The following FAF1 variants were observed in gnomAD, a reference collection of about 807,000 sequenced individuals.
FAF1 encodes FAS-associated factor 1.
A neutral mutation model predicts 92.5 loss-of-function variants in FAF1; 25 were observed. That is an observed-to-expected ratio of 0.27 (90% CI 0.20 to 0.38). FAF1 has a LOEUF of 0.38. Ranked by LOEUF, FAF1 falls within the 10% of genes least tolerant of loss-of-function variation. The probability of loss-of-function intolerance (pLI) is 1.00; values close to 1 mark genes in which losing one functional copy is unlikely to be tolerated. For synonymous variants in FAF1, 234 were observed against 273.2 expected (o/e 0.86, Z 1.42); for missense variants, 636 against 793.3 (o/e 0.80, Z 2.38).
chr1:50,846,493 A>C, intron 2 of FAF1: 1 of 490,036 alleles, frequency 2.0e-6, no homozygotes, highest in South Asian at 1.5e-5. Context: ...GCTGGCTTTA[A>C]TCCTGAAAGC....
chr1:50,509,300 A>G (rs1464279479), intron 15 of FAF1, among the ~76,000 whole-genome samples: 1 of 152,222 alleles, frequency 6.6e-6, no homozygotes. Context: ...GCTTAAAAAA[A>G]TGTTAAAATT....
chr1:50,631,149 G>A (rs759336027), intron 8 of FAF1, among the ~76,000 whole-genome samples: 8 of 151,944 alleles, frequency 5.3e-5, no homozygotes, highest in South Asian at 2.1e-4. Flanking sequence ...CTGTCTAAAC[G>A]CATTTTTTTC....
At chr1:50,766,508 T>C (rs571661582) in intron 4 of FAF1, among the ~76,000 whole-genome samples, 3 of 151,926 alleles carry the variant, frequency 2.0e-5, no homozygotes, top group African/African-American at 7.2e-5. Flanking sequence ...AGGATGAACA[T>C]CTGCTGCCAC....
At chr1:50,680,364 T>C (rs531461759) in intron 7 of FAF1, among the ~76,000 whole-genome samples, 1 of 152,232 alleles carries the variant, frequency 6.6e-6, no homozygotes, top group African/African-American at 2.4e-5. Flanking sequence ...AAATATAATA[T>C]TCTCCCATAT....
chr1:50,957,526 T>A (rs1018799726), intron 1 of FAF1, among the ~76,000 whole-genome samples: 1 of 151,998 alleles, frequency 6.6e-6, no homozygotes, highest in African/African-American at 2.4e-5. Flanking sequence ...TAATTTTTTG[T>A]ATTTTTTTAG....
chr1:50,474,361 C>A (rs1382746621), intron 18 of FAF1, among the ~76,000 whole-genome samples: 2 of 152,118 alleles, frequency 1.3e-5, no homozygotes, highest in Non-Finnish European at 2.9e-5. Context: ...TTTCTTCAGG[C>A]TTCGTTTTTC....
At chr1:50,764,627 A>T (rs139603682) in intron 4 of FAF1, among the ~76,000 whole-genome samples, 20 of 152,300 alleles carry the variant, frequency 1.3e-4, no homozygotes, top group Non-Finnish European at 2.4e-4. Flanking sequence ...ATTTCTCATG[A>T]ATCATAGGCC....
chr1:50,729,056 A>ATTTTTTTT (rs1481654972), intron 6 of FAF1, among the ~76,000 whole-genome samples: 6 of 105,812 alleles, frequency 5.7e-5, no homozygotes, highest in African/African-American at 2.7e-4. Context: ...ATATATATAT[A>ATTTTTTTT]TATTTTTTTT....
rs368062963 is a variant in FAF1 at position 50,694,444 on chromosome 1, G to T, written c.657+11342C>A. Among the ~76,000 whole-genome samples the T allele has an allele frequency of 3.1e-4, 47 of 151,166 alleles. No individual in the cohort carries two copies. The East Asian group carries it at 7.8e-3, about 25-fold the overall frequency. On this transcript the variant is annotated intron_variant, in intron 7 of 18. Coordinates refer to ENST00000396153, the MANE Select transcript of FAF1 (RefSeq NM_007051.3). ...ATTGAGTTTTCATTAAAAAAATCAGGAATCTTACTAATTATCTCACTTATA... is the reference window on the plus strand; with the variant it reads ...ATTGAGTTTTCATTAAAAAAATCAGTAATCTTACTAATTATCTCACTTATA...
At chr1:50,922,793 CAGGCAACAGTGCGAGA>C (rs1324950291) in intron 1 of FAF1, among the ~76,000 whole-genome samples, 1 of 126,646 alleles carries the variant, frequency 7.9e-6, no homozygotes, top group Non-Finnish European at 1.6e-5. Flanking sequence ...CACTCCAGCC[CAGGCAACAGTGCGAGA>C]ATCCACCACA....
At chr1:50,688,188 C>T (rs1656759447) in intron 7 of FAF1, among the ~76,000 whole-genome samples, 1 of 151,270 alleles carries the variant, frequency 6.6e-6, no homozygotes, top group African/African-American at 2.4e-5. Context: ...TAAAACAAAA[C>T]AGAAAATAAC....
At chr1:50,782,745 C>T (rs1416572855) in intron 4 of FAF1, among the ~76,000 whole-genome samples, 1 of 151,954 alleles carries the variant, frequency 6.6e-6, no homozygotes, top group Admixed American at 6.6e-5. Flanking sequence ...AAGGTTAATT[C>T]TTATTAAAGA....
At chr1:50,759,945 A>G (rs374522095) in intron 4 of FAF1, among the ~76,000 whole-genome samples, 2 of 152,146 alleles carry the variant, frequency 1.3e-5, no homozygotes, top group Non-Finnish European at 2.9e-5. Flanking sequence ...CTGCATAAAT[A>G]TCTTCTTTTG....
intron 13 of FAF1, among the ~76,000 whole-genome samples, chr1:50,554,415 A>AGAGAGAGAGAGAGAGAGAGAGAGAGAGT (rs1443800077): frequency 6.8e-6 from 1 of 148,040 alleles, no homozygotes; most frequent in African/African-American, 2.5e-5. Context: ...AGAGAGAGAG[A>AGAGAGAGAGAGAGAGAGAGAGAGAGAGT]GTCTTAAATT....
chr1:50,677,972 T>G (rs1656207300), intron 7 of FAF1, among the ~76,000 whole-genome samples: 1 of 152,090 alleles, frequency 6.6e-6, no homozygotes, highest in Admixed American at 6.6e-5. Context: ...TTGTATTCTA[T>G]TTACAAAAAT....
chr1:50,701,561 C>A (rs1657475347), intron 7 of FAF1, among the ~76,000 whole-genome samples: 1 of 152,004 alleles, frequency 6.6e-6, no homozygotes, highest in Non-Finnish European at 1.5e-5. Context: ...GGAGAATAGT[C>A]CAAAATATAC....
intron 1 of FAF1, among the ~76,000 whole-genome samples, chr1:50,941,333 CCGAGTAGCTGAG>C (rs1645131124): frequency 6.6e-6 from 1 of 152,102 alleles, no homozygotes; most frequent in Non-Finnish European, 1.5e-5. Context: ...TCTCAGCCTC[CCGAGTAGCTGAG>C]ACTACAGGTG....
intron 15 of FAF1, among the ~76,000 whole-genome samples, chr1:50,526,329 C>T (rs1219258630): frequency 6.6e-6 from 1 of 151,836 alleles, no homozygotes; most frequent in African/African-American, 2.4e-5. Context: ...GGCATGGTGG[C>T]TCACACCTGT....
chr1:50,852,277 A>G (rs1056786257), intron 2 of FAF1, among the ~76,000 whole-genome samples: 2 of 152,216 alleles, frequency 1.3e-5, no homozygotes, highest in East Asian at 1.9e-4. Flanking sequence ...AGAAAAAGTA[A>G]TATCAGTAAG....
Sources: gnomAD v4.1 joint callset for allele counts (sites outside exome capture counted in the v4.1 genomes callset) on GRCh38, gnomAD v4.1.1 for gene constraint, MANE v1.5 for transcripts, NCBI Gene and HGNC (gene_info 2026-07-23, HGNC 2026-07-21) for gene names.